Variants in NPEPPS observed in about 807,000 individuals in gnomAD.
NPEPPS encodes aminopeptidase puromycin sensitive.
Under a neutral mutation model 115.5 loss-of-function variants are expected in NPEPPS, and 14 were observed. The observed-to-expected ratio is 0.12, with a 90% CI of 0.08 to 0.19. NPEPPS has a LOEUF of 0.19. NPEPPS is among the 10% of genes least tolerant of loss of function. The probability of loss-of-function intolerance (pLI) is 1.00; values close to 1 mark genes in which losing one functional copy is unlikely to be tolerated. For missense variants in NPEPPS, 523 were observed against 1,110.8 expected (o/e 0.47, Z 7.52); for synonymous variants, 285 against 390.6 (o/e 0.73, Z 3.19).
chr17:47,605,645 T>G, intron 17 of NPEPPS, 93 bp downstream of exon 17: 1 of 792,768 alleles, frequency 1.3e-6, no homozygotes, highest in Non-Finnish European at 2.0e-6. Flanking sequence ...TTGTATCTAC[T>G]GGATGTTACT....
At chr17:47,570,930 A>G (rs1462217607) in intron 3 of NPEPPS, among the ~76,000 whole-genome samples, 2 of 152,210 alleles carry the variant, frequency 1.3e-5, no homozygotes, top group Non-Finnish European at 2.9e-5. Context: ...TGACCCAGCA[A>G]TTCTGCTAAT....
rs34598464 is a variant in NPEPPS at position 47,621,777 on chromosome 17, G to C, written c.2617G>C (p.Glu873Gln). The C allele has an allele frequency of 3.2e-3, 5,190 of 1,607,150 alleles. 10 individuals are homozygous for C. Among genetic ancestry groups the C allele is most frequent in the Non-Finnish European group, 4.0e-3 (4,728 of 1,174,846 alleles). The change falls in exon 23 of 23, where the codon GAG becomes CAG. Residue 873 changes from glutamate (E) to glutamine (Q), a missense_variant. Around this residue, in one of 4 missense-constraint regions of NPEPPS, gnomAD observed 372 missense variants for 542.6 expected, o/e 0.69. Coordinates refer to ENST00000322157, the MANE Select transcript of NPEPPS (RefSeq NM_006310.4). Reference protein sequence around the residue: ...KMAGEVKAFFESHPAPSAERT... With the variant: ...KMAGEVKAFFQSHPAPSAERT... ...GGTTGTTTTATACCAGGCTTTCTTC[G>C]AGAGTCACCCAGCTCCTTCAGCTGA...
chr17:47,618,955 G>A, intron 20 of NPEPPS, 54 bp from the exon 21 acceptor site: 4 of 1,547,004 alleles, frequency 2.6e-6, no homozygotes, highest in Non-Finnish European at 3.5e-6. Flanking sequence ...GCACTTTCTG[G>A]TACCAGAATA....
intron 2 of NPEPPS, among the ~76,000 whole-genome samples, chr17:47,550,910 G>A (rs1181744405): frequency 1.3e-5 from 2 of 152,110 alleles, no homozygotes; most frequent in East Asian, 1.9e-4. Context: ...TACCAGGCAT[G>A]AGCCACCACG....
intron 3 of NPEPPS, among the ~76,000 whole-genome samples, chr17:47,572,623 A>C (rs1337470628): frequency 1.3e-5 from 2 of 152,344 alleles, no homozygotes; most frequent in East Asian, 3.9e-4. Context: ...GATGGGTATA[A>C]AAAACCCAGT....
intron 4 of NPEPPS, 130 bp downstream of exon 4, chr17:47,579,641 A>G: frequency 3.2e-6 from 2 of 629,824 alleles, no homozygotes; most frequent in South Asian, 2.0e-5. Context: ...CAATTTTAGA[A>G]TTTTTATTTT....
chr17:47,591,143 A>G (rs62074014), intron 10 of NPEPPS, among the ~76,000 whole-genome samples: 77,524 of 151,818 alleles, frequency 0.51, 20,316 homozygotes, highest in East Asian at 0.66. Context: ...AGGCTGAGGC[A>G]GGTGGATCAC....
chr17:47,543,375 A>G (rs113048301), intron 1 of NPEPPS, among the ~76,000 whole-genome samples: 4,836 of 151,482 alleles, frequency 0.032, 120 homozygotes, highest in Non-Finnish European at 0.049. Context: ...CTGGAGTGCA[A>G]TGGCTCAGTC....
At chr17:47,553,377 A>G (rs911636352) in intron 2 of NPEPPS, among the ~76,000 whole-genome samples, 1 of 152,012 alleles carries the variant, frequency 6.6e-6, no homozygotes, top group African/African-American at 2.4e-5. Flanking sequence ...CTCAAAAAAA[A>G]AAAAAAGATC....
intron 3 of NPEPPS, among the ~76,000 whole-genome samples, chr17:47,578,201 CAAAAA>C (rs1333262458): frequency 1.2e-5 from 1 of 84,340 alleles, no homozygotes. Context: ...GCCTCTGTCT[CAAAAA>C]AAAAAAAAAA....
At chr17:47,607,169 G>A (rs914772440) in intron 17 of NPEPPS, among the ~76,000 whole-genome samples, 4 of 152,090 alleles carry the variant, frequency 2.6e-5, no homozygotes, top group Admixed American at 2.0e-4. Flanking sequence ...TCCAGCCTGG[G>A]TGACAGGGCG....
intron 22 of NPEPPS, among the ~76,000 whole-genome samples, chr17:47,621,180 C>CA (rs5820662): frequency 0.012 from 1,015 of 84,668 alleles, 20 homozygotes; most frequent in African/African-American, 0.036. Context: ...GACCCTGTCT[C>CA]AAAAAAAAAA....
intron 15 of NPEPPS, 161 bp downstream of exon 15, chr17:47,601,908 GTCC>G: frequency 1.4e-6 from 1 of 694,090 alleles, no homozygotes; most frequent in East Asian, 3.1e-5. Context: ...CCAGACATTT[GTCC>G]TTATGTTAGG....
chr17:47,604,569 C>T (rs1013887821), intron 16 of NPEPPS, among the ~76,000 whole-genome samples: 5 of 152,192 alleles, frequency 3.3e-5, no homozygotes, highest in Non-Finnish European at 7.3e-5. Context: ...TAGGTAATTT[C>T]CAGATGTCTT....
At position 47,546,011 on chromosome 17, in the gene NPEPPS, T is replaced by C; in HGVS notation, c.340+18T>C. On this transcript the variant is annotated intron_variant, in intron 2 of 22. Coordinates refer to ENST00000322157, the MANE Select transcript of NPEPPS (RefSeq NM_006310.4). ...AGATGAAGGTAAGAGCTGTTTTCCATTTTAATTTGCTGTCTGCATGTGCAT... is the reference window on the plus strand; with the variant it reads ...AGATGAAGGTAAGAGCTGTTTTCCACTTTAATTTGCTGTCTGCATGTGCAT... The C allele has an allele frequency of 6.5e-7, 1 of 1,528,740 alleles. No homozygotes were observed. Among genetic ancestry groups the C allele is most frequent in the Non-Finnish European group, 8.8e-7 (1 of 1,135,726 alleles). The allele number at this position is 1,528,740 out of a possible 1,614,324, so 94.7% of individuals were successfully genotyped here.
intron 1 of NPEPPS, among the ~76,000 whole-genome samples, chr17:47,544,192 C>A (rs1284216463): frequency 6.6e-6 from 1 of 152,106 alleles, no homozygotes; most frequent in African/African-American, 2.4e-5. Context: ...CCGTGCCCGG[C>A]CTTAATTTTT....
At chr17:47,550,818 G>A (rs1268196527) in intron 2 of NPEPPS, among the ~76,000 whole-genome samples, 1 of 151,622 alleles carries the variant, frequency 6.6e-6, no homozygotes, top group African/African-American at 2.4e-5. Context: ...GTAGAGACAG[G>A]GTTTCACCAT....
At chr17:47,593,962 C>T (rs1181660284) in intron 12 of NPEPPS, among the ~76,000 whole-genome samples, 1 of 152,152 alleles carries the variant, frequency 6.6e-6, no homozygotes. Flanking sequence ...TGAGACCAGC[C>T]TGGGCACCAT....
intron 1 of NPEPPS, among the ~76,000 whole-genome samples, chr17:47,538,526 CTTTTTT>C (rs1029993473): frequency 9.6e-6 from 1 of 104,416 alleles, no homozygotes; most frequent in African/African-American, 3.8e-5. Context: ...TATCTGTTTT[CTTTTTT>C]TTTTTTTTTT....
Sources: allele counts gnomAD v4.1 joint callset (sites outside exome capture counted in the v4.1 genomes callset), GRCh38; gene constraint gnomAD v4.1.1; regional missense constraint gnomAD v4.1.1; transcripts MANE v1.5; gene names NCBI Gene and HGNC (gene_info 2026-07-23, HGNC 2026-07-21).